The following GRID2 variants were observed in gnomAD, a reference collection of about 807,000 sequenced individuals.
GRID2 encodes the protein glutamate ionotropic receptor delta type subunit 2, also known as glutamate receptor ionotropic, delta-2.
Under a neutral mutation model 114.8 loss-of-function variants are expected in GRID2, and 33 were observed. The observed-to-expected ratio is 0.29, with a 90% confidence interval of 0.22 to 0.38. The LOEUF (loss-of-function observed/expected upper bound fraction) is 0.38. Among genes scored for constraint, GRID2 ranks in the 10% least tolerant of loss-of-function variants. GRID2 has a pLI of 1.00. For missense variants in GRID2, 1,184 were observed against 1,257.7 expected, an observed-to-expected ratio of 0.94 and a Z score of 0.89; for synonymous variants, 505 against 449.9, an observed-to-expected ratio of 1.12 and a Z score of -1.55.
chr4:93,580,219 C>G (rs1736831783), intron 13 of GRID2, among the ~76,000 whole-genome samples: 2 of 152,136 alleles, frequency 1.3e-5, no homozygotes, highest in Non-Finnish European at 2.9e-5. Context: ...TCTAGAACTT[C>G]TAGAATGAGA....
chr4:92,712,431 G>A (rs774932841), intron 2 of GRID2, among the ~76,000 whole-genome samples: 1 of 151,968 alleles, frequency 6.6e-6, no homozygotes, highest in Non-Finnish European at 1.5e-5. Context: ...TATCACATTA[G>A]CACTTTTACC....
chr4:93,228,990 G>A (rs745316969), intron 7 of GRID2, among the ~76,000 whole-genome samples: 4 of 152,040 alleles, frequency 2.6e-5, no homozygotes, highest in Admixed American at 6.6e-5. Flanking sequence ...TTTATTTTGT[G>A]GGACTATGTG....
rs369814562 is a variant in GRID2 at position 93,375,823 on chromosome 4, A to T, written c.1246-19784A>T. 1.2e-4 allele frequency among the ~76,000 whole-genome samples: 18 copies of T among 152,348 alleles called. 1 individual carries two copies. The South Asian group carries it at 1.2e-3, about 11-fold the overall frequency. The stretch of plus-strand genomic sequence containing the variant: ...GAAGAAGAAATGGTAAAAGTAAAAC[A>T]TGAACATTTGGCCATCACTAATTAT... On this transcript the variant is annotated intron_variant, in intron 8 of 15. Coordinates refer to ENST00000282020, the MANE Select transcript of GRID2 (RefSeq NM_001510.4).
chr4:92,604,575 A>C (rs1729368206), intron 2 of GRID2, among the ~76,000 whole-genome samples: 1 of 152,072 alleles, frequency 6.6e-6, no homozygotes, highest in Non-Finnish European at 1.5e-5. Flanking sequence ...TAACTAAGGC[A>C]TGTGGGGCTT....
chr4:93,331,706 A>C (rs113758396), intron 8 of GRID2, among the ~76,000 whole-genome samples: 1 of 152,258 alleles, frequency 6.6e-6, no homozygotes, highest in Non-Finnish European at 1.5e-5. Flanking sequence ...AAAATGCATT[A>C]GTGTGCAGGA....
intron 1 of GRID2, among the ~76,000 whole-genome samples, chr4:92,545,209 TA>T (rs67135568): frequency 0.28 from 41,542 of 148,202 alleles, 5,641 homozygotes; most frequent in South Asian, 0.32. Context: ...CTAAAGAAAG[TA>T]AAAAAAAAAA....
At chr4:92,761,833 G>T (rs1409226861) in intron 2 of GRID2, among the ~76,000 whole-genome samples, 3 of 152,092 alleles carry the variant, frequency 2.0e-5, no homozygotes, top group African/African-American at 7.2e-5. Flanking sequence ...CTAAGCAAAG[G>T]TATGTCAGAA....
intron 13 of GRID2, among the ~76,000 whole-genome samples, chr4:93,602,437 A>G (rs2149642983): frequency 6.6e-6 from 1 of 152,348 alleles, no homozygotes; most frequent in East Asian, 1.9e-4. Flanking sequence ...TGCATCAAGC[A>G]AGTCTATTGA....
At chr4:92,880,498 T>G (rs550339602) in intron 2 of GRID2, among the ~76,000 whole-genome samples, 1 of 152,272 alleles carries the variant, frequency 6.6e-6, no homozygotes, top group African/African-American at 2.4e-5. Context: ...TGATTATAAT[T>G]ATCTGATTTT....
chr4:92,342,319 T>C (rs995067625), intron 1 of GRID2, among the ~76,000 whole-genome samples: 2 of 152,134 alleles, frequency 1.3e-5, no homozygotes, highest in Admixed American at 6.5e-5. Context: ...AAATATAAAA[T>C]AATAATTAAA....
At chr4:92,872,766 G>A (rs1048592198) in intron 2 of GRID2, among the ~76,000 whole-genome samples, 1 of 152,180 alleles carries the variant, frequency 6.6e-6, no homozygotes, top group Admixed American at 6.5e-5. Context: ...TTACCCCTTG[G>A]ACCCAGGGCT....
At chr4:93,707,712 T>C (rs1239131916) in intron 14 of GRID2, among the ~76,000 whole-genome samples, 1 of 151,996 alleles carries the variant, frequency 6.6e-6, no homozygotes, top group African/African-American at 2.4e-5. Context: ...ATCTTTATTA[T>C]TTCTTTCCTC....
At chr4:93,698,073 A>C (rs914172715) in intron 14 of GRID2, among the ~76,000 whole-genome samples, 2 of 151,890 alleles carry the variant, frequency 1.3e-5, no homozygotes, top group East Asian at 3.9e-4. Flanking sequence ...ACTCTTGTAC[A>C]TATGCTGATA....
intron 13 of GRID2, among the ~76,000 whole-genome samples, chr4:93,564,391 T>C (rs1735213963): frequency 1.3e-5 from 2 of 152,050 alleles, no homozygotes; most frequent in South Asian, 4.1e-4. Context: ...TTCAGTGGTC[T>C]TCTTTAGACC....
chr4:92,922,274 C>A (rs1483447443), intron 2 of GRID2, among the ~76,000 whole-genome samples: 1 of 152,168 alleles, frequency 6.6e-6, no homozygotes, highest in Non-Finnish European at 1.5e-5. Context: ...AAAGGGAATT[C>A]CCTGACCCCT....
At chr4:93,733,954 G>T (rs1439549) in intron 14 of GRID2, among the ~76,000 whole-genome samples, 86,582 of 151,776 alleles carry the variant, frequency 0.57, 25,349 homozygotes, top group East Asian at 0.73. Flanking sequence ...CCCAAAACCT[G>T]CTTTTTTAAA....
chr4:92,809,877 GGTGTA>G (rs1247539816), intron 2 of GRID2, among the ~76,000 whole-genome samples: 1 of 151,806 alleles, frequency 6.6e-6, no homozygotes, highest in African/African-American at 2.4e-5. Flanking sequence ...TATATCACCA[GGTGTA>G]GTGAAGTATA....
chr4:93,225,563 C>T (rs1745391134), intron 7 of GRID2, among the ~76,000 whole-genome samples: 1 of 152,148 alleles, frequency 6.6e-6, no homozygotes, highest in African/African-American at 2.4e-5. Context: ...TTTACCCATC[C>T]TTTTTCTTTC....
Position 93,515,339 on chromosome 4 carries a change from A to C in GRID2, c.2121A>C (p.Gln707His). ...TTGAGAGGGACAGCATGTATTCCCA[A>C]ATGTGGCGGATGATCAACCGAAGCA... ...NPFERDSMYSQMWRMINRSNG... is the reference protein window; with the variant it reads ...NPFERDSMYSHMWRMINRSNG... The change falls in exon 13 of 16, where the codon CAA (glutamine) becomes CAC (histidine). Residue 707 changes from glutamine (Q) to histidine (H), a missense_variant. By Grantham distance (24) the Gln-to-His change is conservative. This residue lies in a region of GRID2 where 717 missense variants were observed against 796.9 expected (regional missense o/e 0.90). Transcript: ENST00000282020. The C allele has an allele frequency of 6.2e-7, 1 of 1,613,078 alleles. No homozygotes were observed. Among genetic ancestry groups the C allele is most frequent in the Non-Finnish European group, 8.5e-7 (1 of 1,179,216 alleles).
Sources: allele counts gnomAD v4.1 joint callset (sites outside exome capture counted in the v4.1 genomes callset), GRCh38; gene constraint gnomAD v4.1.1; regional missense constraint gnomAD v4.1.1; transcripts MANE v1.5; gene names NCBI Gene and HGNC (gene_info 2026-07-23, HGNC 2026-07-21).